The following HERPUD1 variants were observed in gnomAD, a reference collection of about 807,000 sequenced individuals.
HERPUD1 encodes the protein homocysteine inducible ER protein with ubiquitin like domain 1, also known as homocysteine-responsive endoplasmic reticulum-resident ubiquitin-like domain member 1 protein.
Under a neutral mutation model 45.0 loss-of-function variants are expected in HERPUD1, and 17 were observed. The ratio of observed to expected loss-of-function variants is 0.38; its 90% CI spans 0.26 to 0.57. The LOEUF (loss-of-function observed/expected upper bound fraction) is 0.57, where lower values mean the gene tolerates loss of function less well. HERPUD1 is among the 20% of genes least tolerant of loss of function. HERPUD1 has a pLI of 0.72. For synonymous variants in HERPUD1, 164 were observed against 177.5 expected, an observed-to-expected ratio of 0.92 and a Z score of 0.61; for missense variants, 420 against 490.5, an observed-to-expected ratio of 0.86 and a Z score of 1.36.
chr16:56,939,429 C>T, intron 5 of HERPUD1, 70 bp downstream of exon 5: 2 of 1,586,136 alleles, frequency 1.3e-6, no homozygotes, highest in Non-Finnish European at 1.7e-6. Context: ...ATCCATGTTA[C>T]CTGTAAAGTT....
At position 56,936,678 on chromosome 16, in the gene HERPUD1, C is replaced by CT. The variant is rs1352092878; in HGVS notation, c.301-7dup. On this transcript the variant is annotated splice_polypyrimidine_tract_variant and intron_variant, in intron 3 of 7. Coordinates refer to ENST00000439977, the MANE Select transcript of HERPUD1 (RefSeq NM_014685.4). ...TCCTTTGTTCTGTGTTCATGTTACA[C>CT]TTATTTAGGTGGCTGAATCCACAGA... is the stretch of plus-strand genomic sequence containing the variant. 5 of 1,610,032 alleles carry CT rather than the reference C, an allele frequency of 3.1e-6. No individual in the cohort carries two copies. The highest frequency in any genetic ancestry group is 1.7e-6 in the Non-Finnish European group (2 of 1,177,766).
chr16:56,933,226 CG>C, intron 1 of HERPUD1: 1 of 455,530 alleles, frequency 2.2e-6, no homozygotes, highest in Non-Finnish European at 4.4e-6. Context: ...AGAGGGCATC[CG>C]GGCAGGAAAA....
intron 3 of HERPUD1, chr16:56,935,818 A>G (rs1167700157): frequency 4.7e-6 from 1 of 214,978 alleles, no homozygotes; most frequent in Non-Finnish European, 9.4e-6. Context: ...CAAAGGAGTC[A>G]CTAATTTTTA....
chr16:56,939,425 G>T, intron 5 of HERPUD1, 66 bp downstream of exon 5: 1 of 1,594,102 alleles, frequency 6.3e-7, no homozygotes. Context: ...TTTTATCCAT[G>T]TTACCTGTAA....
Position 56,940,081 on chromosome 16 carries a change from T to C in HERPUD1, c.741T>C (p.Asn247=), listed in dbSNP as rs75439444. ...GAGCCAATCAAAATTTGCGGATGAA[T>C]GCACAAGGTGGCCCTATTGTGGAAG... ...NPGANQNLRM[N]AQGGPIVEED... is the part of the protein sequence containing the mutation. The change falls in exon 6 of 8, where the codon AAT becomes AAC. Residue 247 remains asparagine, a synonymous_variant. Coordinates refer to ENST00000439977, the MANE Select transcript of HERPUD1 (RefSeq NM_014685.4). 2,269 of 1,614,206 alleles carry C rather than the reference T, an allele frequency of 1.4e-3. 32 individuals carry two copies. In the African/African-American group the frequency reaches 0.025, roughly 18 times the overall value.
intron 4 of HERPUD1, among the ~76,000 whole-genome samples, chr16:56,938,487 C>T (rs1161786382): frequency 1.3e-5 from 2 of 151,388 alleles, no homozygotes; most frequent in Admixed American, 6.6e-5. Context: ...GGTGTGAATC[C>T]GGGAGGTGGA....
chr16:56,943,151 A>G lies in HERPUD1; in HGVS notation c.1037A>G (p.Asp346Gly), dbSNP rs139520449. ...GAAGGCACTGATCCTGAAACTGAAG[A>G]CCCCAACCACCTCCCTCCAGACAGG... ...LQEGTDPETEDPNHLPPDRDV... is the reference protein window; with the variant it reads ...LQEGTDPETEGPNHLPPDRDV... The change falls in exon 8 of 8, where the codon GAC (aspartate) becomes GGC (glycine). Residue 346 changes from aspartate (D) to glycine (G), a missense_variant. Physicochemically the swap from Asp to Gly is moderately conservative, Grantham distance 94. Coordinates refer to ENST00000439977, the MANE Select transcript of HERPUD1 (RefSeq NM_014685.4). The G allele has an allele frequency of 8.1e-6, 13 of 1,613,950 alleles. No homozygotes were observed. Among genetic ancestry groups the G allele is most frequent in the African/African-American group, 1.3e-5 (1 of 74,876 alleles).
chr16:56,939,185 T>C, intron 4 of HERPUD1, 52 bp from the exon 5 acceptor site: 1 of 1,567,996 alleles, frequency 6.4e-7, no homozygotes, highest in Non-Finnish European at 8.7e-7. Flanking sequence ...TAGTTTTCAT[T>C]TGTTCATACT....
At chr16:56,935,549 TA>T in intron 3 of HERPUD1, 74 bp downstream of exon 3, 1 of 1,262,588 alleles carries the variant, frequency 7.9e-7, no homozygotes, top group Non-Finnish European at 1.2e-6. Flanking sequence ...AGAAGTTGGA[TA>T]AAACGTTTAT....
At position 56,940,001 on chromosome 16, in the gene HERPUD1, G is replaced by C; in HGVS notation, c.661G>C (p.Ala221Pro). Residue 221 changes from alanine to proline, a missense_variant, in exon 6 of 8, where the codon GCT becomes CCT. Transcript: ENST00000439977. ...AGCCCCTATTCACAACCAGTTTCCA[G>C]CTGAAAACCAGCCTGCCAATCAGAA... ...APAPIHNQFP[A>P]ENQPANQNAA... 6.2e-7 allele frequency: 1 copy of C among 1,614,196 alleles called. No individual in the cohort carries two copies. The highest frequency in any genetic ancestry group is 8.5e-7 in the Non-Finnish European group (1 of 1,180,040).
rs2055935970 is a variant in HERPUD1, at chr16:56,944,508, C to G, written c.*1218C>G. 6.6e-6 allele frequency: 1 copy of G among 152,084 alleles called. No individual in the cohort carries two copies. The highest frequency in any genetic ancestry group is 2.1e-4 in the South Asian group (1 of 4,808). The allele number at this position is 152,084 out of a possible 1,614,324, so 9.4% of individuals were successfully genotyped here. A position where few individuals can be genotyped will look rare whatever the true frequency, so the allele number is the denominator to read the frequency against. ...TGAGATGGAGTCTCACTCTGTTGCC[C>G]AGGCTGGAGTGCCGTGGCGCGATCT... On this transcript the variant is annotated 3_prime_UTR_variant, in exon 8 of 8. Coordinates refer to ENST00000439977, the MANE Select transcript of HERPUD1 (RefSeq NM_014685.4).
At position 56,942,196 on chromosome 16, in the gene HERPUD1, C is replaced by G. The variant is rs749652139; in HGVS notation, c.970C>G (p.Pro324Ala). ...PVQNFPNDGP[P>A]PDVVNQDPNN... is the part of the protein sequence containing the mutation. ...TCAGAACTTCCCAAATGATGGTCCTCCTCCTGACGTTGTAAATCAGGACCC... is the reference window on the plus strand; with the variant it reads ...TCAGAACTTCCCAAATGATGGTCCTGCTCCTGACGTTGTAAATCAGGACCC... Residue 324 changes from proline (P) to alanine (A), a missense_variant, in exon 7 of 8, where the codon CCT becomes GCT. Coordinates refer to ENST00000439977, the MANE Select transcript of HERPUD1 (RefSeq NM_014685.4). 37 of 1,614,048 alleles carry G rather than the reference C, an allele frequency of 2.3e-5. No homozygotes were observed. Among genetic ancestry groups the G allele is most frequent in the Admixed American group, 1.0e-4 (6 of 60,006 alleles).
chr16:56,933,873 A>G (rs2055845355), intron 1 of HERPUD1, among the ~76,000 whole-genome samples: 1 of 152,224 alleles, frequency 6.6e-6, no homozygotes, highest in Admixed American at 6.5e-5. Flanking sequence ...GAACTCTGTA[A>G]TAAATGCAGG....
At chr16:56,939,510 T>A in intron 5 of HERPUD1, 151 bp downstream of exon 5, 1 of 1,004,554 alleles carries the variant, frequency 1.0e-6, no homozygotes, top group Non-Finnish European at 1.5e-6. Flanking sequence ...GGGTAGAGTG[T>A]AAATGACAGC....
chr16:56,937,010 C>G (rs950014998), intron 4 of HERPUD1, 193 bp downstream of exon 4: 11 of 408,992 alleles, frequency 2.7e-5, no homozygotes, highest in Non-Finnish European at 1.3e-5. Flanking sequence ...TTAGTACACA[C>G]AAATTTAAAA....
rs1212923937 is a variant in HERPUD1 at position 56,932,194 on chromosome 16, C to A, written c.-51C>A. ...GAGATTGCGGGCGGCTGAGACGCCG[C>A]CTGCCTGGCACCTAGGAGCGCAGCG... On this transcript the variant is annotated 5_prime_UTR_variant, in exon 1 of 8. Transcript: ENST00000439977. 6.3e-7 allele frequency: 1 copy of A among 1,589,700 alleles called. No individual in the cohort carries two copies. The highest frequency in any genetic ancestry group is 1.3e-5 in the African/African-American group (1 of 74,876).
At chr16:56,938,529 C>G (rs112792762) in intron 4 of HERPUD1, among the ~76,000 whole-genome samples, 1 of 149,830 alleles carries the variant, frequency 6.7e-6, no homozygotes, top group Non-Finnish European at 1.5e-5. Context: ...CGCCATTGCA[C>G]TCCAGGCTGG....
chr16:56,935,839 A>G (rs1669096705), intron 3 of HERPUD1: 1 of 183,606 alleles, frequency 5.4e-6, no homozygotes, highest in Non-Finnish European at 1.1e-5. Flanking sequence ...TAAAGAGTAC[A>G]AAAGTGAATA....
In HERPUD1 at chr16:56,938,379, C is replaced by T. The variant is rs549864212; in HGVS notation, c.432-858C>T. On this transcript the variant is annotated intron_variant, in intron 4 of 7. Coordinates refer to ENST00000439977, the MANE Select transcript of HERPUD1 (RefSeq NM_014685.4). ...GAGATTGAGACCATCCTGGCTAACA[C>T]GGTGAAACCCCGTCTGTACTAAAAG... 9.9e-5 allele frequency among the ~76,000 whole-genome samples: 15 copies of T among 152,154 alleles called. 1 individual carries two copies. In the South Asian group the frequency reaches 2.1e-3, roughly 21 times the overall value.
Sources: allele counts gnomAD v4.1 joint callset (sites outside exome capture counted in the v4.1 genomes callset), GRCh38; gene constraint gnomAD v4.1.1; transcripts MANE v1.5; gene names NCBI Gene and HGNC (gene_info 2026-07-23, HGNC 2026-07-21).